PATJ: variants seen among roughly 807,000 people sequenced by gnomAD.
The protein encoded by PATJ is PATJ crumbs cell polarity complex component, also known as inaD-like protein.
A neutral mutation model predicts 224.9 loss-of-function variants in PATJ; 190 were observed. The ratio of observed to expected loss-of-function variants is 0.84; its 90% CI spans 0.75 to 0.95. PATJ has a LOEUF of 0.95. PATJ is among the 40% of genes least tolerant of loss of function. The probability of loss-of-function intolerance (pLI) is 0.00; values close to 1 mark genes in which losing one functional copy is unlikely to be tolerated. For synonymous variants in PATJ, 769 were observed against 820.3 expected (o/e 0.94, Z 1.07); for missense variants, 2,121 against 2,270.3 (o/e 0.93, Z 1.34).
At chr1:61,826,840 A>AT (rs936308014) in intron 15 of PATJ, among the ~76,000 whole-genome samples, 2 of 152,284 alleles carry the variant, frequency 1.3e-5, no homozygotes, top group African/African-American at 2.4e-5. Flanking sequence ...AATAGAAGTT[A>AT]TTTTTCTAGG....
chr1:61,872,853 CT>C (rs1221831191), intron 20 of PATJ, among the ~76,000 whole-genome samples: 1 of 152,180 alleles, frequency 6.6e-6, no homozygotes, highest in Non-Finnish European at 1.5e-5. Flanking sequence ...AGTAAATTCT[CT>C]TTACTACCTG....
intron 31 of PATJ, among the ~76,000 whole-genome samples, chr1:62,055,789 G>A (rs981334236): frequency 6.6e-6 from 1 of 152,172 alleles, no homozygotes; most frequent in Non-Finnish European, 1.5e-5. Flanking sequence ...GAACCAATAG[G>A]ATATATGGAT....
chr1:62,114,295 C>G (rs1664211870), intron 35 of PATJ, 49 bp downstream of exon 35: 1 of 1,503,346 alleles, frequency 6.7e-7, no homozygotes, highest in East Asian at 2.3e-5. Context: ...ATCCAGAGCT[C>G]TGATGCCTGT....
chr1:61,940,686 A>G (rs1227086411), intron 27 of PATJ, among the ~76,000 whole-genome samples: 1 of 151,216 alleles, frequency 6.6e-6, no homozygotes, highest in Non-Finnish European at 1.5e-5. Flanking sequence ...ATTGCACTCC[A>G]GCCTGGCAAC....
chr1:62,067,907 C>T (rs544337648), intron 31 of PATJ, among the ~76,000 whole-genome samples: 2 of 152,260 alleles, frequency 1.3e-5, no homozygotes, highest in Admixed American at 6.5e-5. Context: ...CTCAAGCGAT[C>T]CTCCTACCTC....
intron 41 of PATJ, among the ~76,000 whole-genome samples, chr1:62,141,570 G>C (rs569917469): frequency 6.6e-6 from 1 of 152,178 alleles, no homozygotes; most frequent in Admixed American, 6.5e-5. Context: ...AGCTACTCGG[G>C]AGGCTGAGGC....
chr1:62,026,519 G>A (rs1014612447), intron 29 of PATJ, among the ~76,000 whole-genome samples: 8 of 150,598 alleles, frequency 5.3e-5, no homozygotes, highest in Non-Finnish European at 8.9e-5. Context: ...CCTAAATGAT[G>A]TACCAGGCAC....
intron 7 of PATJ, among the ~76,000 whole-genome samples, chr1:61,783,745 C>CTTTTTT (rs11372619): frequency 1.7e-5 from 2 of 117,892 alleles, no homozygotes; most frequent in African/African-American, 3.3e-5. Flanking sequence ...AGAGTTGCTA[C>CTTTTTT]TTTTTTTTTT....
At chr1:61,870,705 T>C (rs1213348810) in intron 20 of PATJ, among the ~76,000 whole-genome samples, 1 of 152,218 alleles carries the variant, frequency 6.6e-6, no homozygotes, top group East Asian at 1.9e-4. Flanking sequence ...TAAATATCTG[T>C]TGAAATCCCT....
At position 62,128,083 on chromosome 1, in the gene PATJ, C is replaced by T. The variant is rs1209780130; in HGVS notation, c.5155C>T (p.Gln1719Ter). 1 of 1,614,114 alleles carries T rather than the reference C, an allele frequency of 6.2e-7. No individual in the cohort carries two copies. Among genetic ancestry groups the T allele is most frequent in the East Asian group, 2.2e-5 (1 of 44,880 alleles). Reference sequence around the variant, plus strand: ...GGCTAGCGGAGTGGCCGCACGGACACAGAAGCTTAAAGTAAACGAGAGAAC... The same window carrying T: ...GGCTAGCGGAGTGGCCGCACGGACATAGAAGCTTAAAGTAAACGAGAGAAC... The part of the protein sequence containing the change: ...IQASGVAART[Q>*]KLKVGDRIVS... Residue 1719 changes from glutamine (Q) to a stop codon, truncating the protein, a stop_gained, in exon 40 of 44, where the codon CAG (glutamine) becomes TAG (stop). Coordinates refer to ENST00000642238, the MANE Select transcript of PATJ (RefSeq NM_001350145.3). LOFTEE classifies it high-confidence loss of function.
intron 14 of PATJ, among the ~76,000 whole-genome samples, chr1:61,812,739 C>T (rs757603068): frequency 2.6e-4 from 40 of 151,956 alleles, no homozygotes; most frequent in Non-Finnish European, 5.3e-4. Context: ...ATCCCATCTA[C>T]TCGGGAGGCT....
At chr1:61,911,725 T>TATGACAAGTCAGAA (rs1553201056) in intron 25 of PATJ, among the ~76,000 whole-genome samples, 1 of 146,734 alleles carries the variant, frequency 6.8e-6, no homozygotes, top group Admixed American at 6.8e-5. Context: ...ATATCATATA[T>TATGACAAGTCAGAA]ATGACAAGTC....
intron 25 of PATJ, among the ~76,000 whole-genome samples, chr1:61,913,739 T>A (rs1260474341): frequency 1.3e-5 from 2 of 152,232 alleles, no homozygotes; most frequent in African/African-American, 4.8e-5. Context: ...ATTTGTTAAT[T>A]CCTCCTTATG....
chr1:62,013,567 C>A (rs559735297), intron 28 of PATJ: 71 of 900,706 alleles, frequency 7.9e-5, no homozygotes, highest in Middle Eastern at 1.1e-3. Context: ...TACTGCCCAA[C>A]AAGGACTGAC....
At chr1:61,871,483 G>GCGTATATA (rs1362256521) in intron 20 of PATJ, among the ~76,000 whole-genome samples, 70,443 of 97,630 alleles carry the variant, frequency 0.72, 26,033 homozygotes, top group East Asian at 0.87. Context: ...ACATATATAT[G>GCGTATATA]TGTATATATG....
intron 7 of PATJ, among the ~76,000 whole-genome samples, chr1:61,783,624 G>T (rs55870274): frequency 0.047 from 7,100 of 150,478 alleles, 237 homozygotes; most frequent in East Asian, 0.12. Context: ...TTCTTCTTTT[G>T]TAGCTCAGGT....
intron 33 of PATJ, among the ~76,000 whole-genome samples, chr1:62,091,907 T>G (rs1308449686): frequency 6.6e-6 from 1 of 151,762 alleles, no homozygotes; most frequent in Non-Finnish European, 1.5e-5. Flanking sequence ...AATACAAAAA[T>G]TAGCTGAGCA....
intron 10 of PATJ, 117 bp downstream of exon 10, chr1:61,795,675 A>C (rs1189457183): frequency 1.8e-6 from 1 of 559,724 alleles, no homozygotes; most frequent in East Asian, 3.2e-5. Flanking sequence ...TTTTTAAAAA[A>C]TTAAGTTTGT....
intron 31 of PATJ, among the ~76,000 whole-genome samples, chr1:62,068,896 T>C (rs1656936539): frequency 6.6e-6 from 1 of 152,236 alleles, no homozygotes; most frequent in Non-Finnish European, 1.5e-5. Context: ...ATTTCTTCAT[T>C]CTTCTTTTTT....
Sources: gnomAD v4.1 joint callset for allele counts (sites outside exome capture counted in the v4.1 genomes callset) on GRCh38, gnomAD v4.1.1 for gene constraint, MANE v1.5 for transcripts, NCBI Gene and HGNC (gene_info 2026-07-23, HGNC 2026-07-21) for gene names.